RERE: variants seen among roughly 807,000 people sequenced by gnomAD.
RERE encodes the protein arginine-glutamic acid dipeptide repeats, also known as arginine-glutamic acid dipeptide repeats protein.
In RERE, 40 loss-of-function variants were observed where a neutral mutation model predicts 146.1. The observed-to-expected ratio is 0.27, with a 90% confidence interval of 0.21 to 0.36. RERE has a LOEUF of 0.36. Among genes scored for constraint, RERE ranks in the 10% least tolerant of loss-of-function variants. The pLI is 1.00. For missense variants in RERE, 1,933 were observed against 2,138.7 expected (o/e 0.90, Z 1.90); for synonymous variants, 1,003 against 866.0 (o/e 1.16, Z -2.78).
At chr1:8,587,160 AATTGTCCTCT>A (rs1646437007) in intron 4 of RERE, among the ~76,000 whole-genome samples, 1 of 152,194 alleles carries the variant, frequency 6.6e-6, no homozygotes. Flanking sequence ...GGAAGTCTTC[AATTGTCCTCT>A]ATAGAAAATT....
chr1:8,384,453 G>A (rs1230373146), intron 12 of RERE, among the ~76,000 whole-genome samples: 2 of 152,160 alleles, frequency 1.3e-5, no homozygotes, highest in East Asian at 1.9e-4. Context: ...AAGAAGAGCA[G>A]GGATCCTCTC....
At chr1:8,564,832 A>C (rs12048009) in intron 4 of RERE, among the ~76,000 whole-genome samples, 1 of 139,016 alleles carries the variant, frequency 7.2e-6, no homozygotes, top group Non-Finnish European at 1.5e-5. Context: ...GTATATGTGT[A>C]TGTGTGTGTG....
intron 12 of RERE, among the ~76,000 whole-genome samples, chr1:8,397,040 GGGA>G (rs1240898836): frequency 6.6e-6 from 1 of 152,198 alleles, no homozygotes; most frequent in Non-Finnish European, 1.5e-5. Flanking sequence ...TGTCTTCCCT[GGGA>G]GGAGAAACAG....
At chr1:8,641,494 T>C (rs1557451619) in intron 2 of RERE, among the ~76,000 whole-genome samples, 1 of 152,192 alleles carries the variant, frequency 6.6e-6, no homozygotes, top group Admixed American at 6.5e-5. Context: ...TCAGTCCAAT[T>C]AGATTCTAGG....
rs1638277978 is a variant in RERE at position 8,656,057 on chromosome 1, T to C, written c.241A>G (p.Lys81Glu). 1.2e-6 allele frequency: 2 copies of C among 1,614,194 alleles called. No homozygotes were observed. The highest frequency in any genetic ancestry group is 1.7e-6 in the Non-Finnish European group (2 of 1,180,026). Residue 81 changes from lysine to glutamate, a missense_variant, in exon 2 of 23, where the codon AAA becomes GAA. Around this residue, in one of 11 missense-constraint regions of RERE, gnomAD observed 107 missense variants for 119.7 expected, o/e 0.89. Transcript: ENST00000400908. ...STKKNKKKPP[K>E]KKSRYERTDT... ...GTCCTTTCATAACGAGACTTTTTTT[T>C]CGGTGGTTTCTTCTTATTCTTCTTC...
At chr1:8,715,324 C>G (rs926825121) in intron 1 of RERE, among the ~76,000 whole-genome samples, 13 of 149,102 alleles carry the variant, frequency 8.7e-5, no homozygotes, top group African/African-American at 3.2e-4. Flanking sequence ...CCAGCCTGAC[C>G]AACATGGTGA....
At chr1:8,468,212 C>T (rs1294334066) in intron 10 of RERE, among the ~76,000 whole-genome samples, 2 of 151,968 alleles carry the variant, frequency 1.3e-5, no homozygotes, top group Non-Finnish European at 2.9e-5. Context: ...TCAATAAATT[C>T]GTATTTATTA....
At chr1:8,562,922 G>A (rs981268546) in intron 4 of RERE, among the ~76,000 whole-genome samples, 5 of 152,170 alleles carry the variant, frequency 3.3e-5, no homozygotes, top group African/African-American at 1.2e-4. Context: ...GAATAGCAAA[G>A]ATTTCTACAC....
chr1:8,583,869 CA>C (rs1253306118), intron 4 of RERE, among the ~76,000 whole-genome samples: 2 of 151,620 alleles, frequency 1.3e-5, no homozygotes, highest in Non-Finnish European at 2.9e-5. Flanking sequence ...TAAAAACAAG[CA>C]AAAGCAAAGT....
intron 11 of RERE, among the ~76,000 whole-genome samples, chr1:8,433,592 C>T (rs1319342402): frequency 1.4e-5 from 2 of 139,892 alleles, no homozygotes; most frequent in Non-Finnish European, 1.5e-5. Flanking sequence ...CTCGCTCTGT[C>T]GCCCAGGTCG....
chr1:8,808,981 A>G (rs972586561), intron 1 of RERE, among the ~76,000 whole-genome samples: 1 of 152,030 alleles, frequency 6.6e-6, no homozygotes, highest in African/African-American at 2.4e-5. Context: ...ACTAAAAAAT[A>G]CAAAAAATTA....
chr1:8,790,273 C>CA (rs1263680650), intron 1 of RERE, among the ~76,000 whole-genome samples: 4 of 151,836 alleles, frequency 2.6e-5, no homozygotes, highest in Non-Finnish European at 2.9e-5. Context: ...GACACCCCCC[C>CA]AAAAAAAATT....
chr1:8,625,215 AC>A (rs1384778960), intron 2 of RERE, among the ~76,000 whole-genome samples: 3 of 152,046 alleles, frequency 2.0e-5, no homozygotes, highest in Non-Finnish European at 4.4e-5. Context: ...CACCTCAGCC[AC>A]CCGAAGTGTC....
Position 8,759,835 on chromosome 1 carries a change from C to CTA in RERE, c.-145+57323_-145+57324dup, listed in dbSNP as rs1171182177. 5.5e-3 allele frequency among the ~76,000 whole-genome samples: 650 copies of CTA among 117,364 alleles called. 2 individuals carry two copies. Among genetic ancestry groups the CTA allele is most frequent in the African/African-American group, 0.021 (616 of 29,294 alleles). The allele number at this position is 117,364 out of a possible 152,430, so 77.0% of individuals were successfully genotyped here. ...GTATAACTCTAAATTCTTACTCTCTCTATACACACACACACACACACACAC... is the reference window on the plus strand; with the variant it reads ...GTATAACTCTAAATTCTTACTCTCTCTATATACACACACACACACACACACAC... On this transcript the variant is annotated intron_variant, in intron 1 of 22. Coordinates refer to ENST00000400908, the MANE Select transcript of RERE (RefSeq NM_001042681.2).
intron 11 of RERE, chr1:8,434,751 CA>C (rs1448975361): frequency 1.3e-5 from 2 of 152,290 alleles, no homozygotes; most frequent in Non-Finnish European, 2.9e-5. Flanking sequence ...CCAGATTAAA[CA>C]GTCCGGCTTG....
chr1:8,618,644 G>A (rs1490977374), intron 3 of RERE, among the ~76,000 whole-genome samples: 1 of 152,160 alleles, frequency 6.6e-6, no homozygotes, highest in East Asian at 1.9e-4. Context: ...AAATGCAGTC[G>A]ATAATGCGTA....
At chr1:8,500,993 G>A (rs1645131885) in intron 8 of RERE, among the ~76,000 whole-genome samples, 1 of 142,610 alleles carries the variant, frequency 7.0e-6, no homozygotes, top group South Asian at 2.3e-4. Context: ...CGTCTGGGAA[G>A]TGAGGAGCGT....
intron 11 of RERE, among the ~76,000 whole-genome samples, chr1:8,440,631 T>C (rs1361447471): frequency 6.7e-6 from 1 of 148,520 alleles, no homozygotes; most frequent in East Asian, 2.0e-4. Flanking sequence ...CTCCTGTCTG[T>C]AATCCCAGCA....
chr1:8,422,842 C>A, intron 11 of RERE, 35 bp from the exon 12 acceptor site: 2 of 1,485,892 alleles, frequency 1.3e-6, no homozygotes, highest in Non-Finnish European at 1.9e-6. Context: ...ATGTAAAAAC[C>A]AAAAACAAAA....
Sources: gnomAD v4.1 joint callset for allele counts (sites outside exome capture counted in the v4.1 genomes callset) on GRCh38, gnomAD v4.1.1 for gene constraint, gnomAD v4.1.1 regional missense constraint, MANE v1.5 for transcripts, NCBI Gene and HGNC (gene_info 2026-07-23, HGNC 2026-07-21) for gene names.